The following FXR2 variants were observed in gnomAD, a reference collection of about 807,000 sequenced individuals.
FXR2 encodes FMR1 autosomal homolog 2, also known as RNA-binding protein FXR2.
In FXR2, 9 loss-of-function variants were observed where a neutral mutation model predicts 87.3. That is an observed-to-expected ratio of 0.10 (90% CI 0.06 to 0.18). The LOEUF (loss-of-function observed/expected upper bound fraction) is 0.18. FXR2 is among the 10% of genes least tolerant of loss of function. The pLI is 1.00. For synonymous variants in FXR2, 331 were observed against 328.3 expected (o/e 1.01, Z -0.09); for missense variants, 661 against 893.6 (o/e 0.74, Z 3.32).
At chr17:7,607,703 A>T (rs1227812262) in intron 1 of FXR2, among the ~76,000 whole-genome samples, 2 of 152,164 alleles carry the variant, frequency 1.3e-5, no homozygotes, top group African/African-American at 4.8e-5. Flanking sequence ...CTGGAATTAA[A>T]GATGTGAGCC....
rs748732254 is a variant in FXR2 at position 7,593,906 on chromosome 17, C to T, written c.1107+12G>A. ...TTTCACACCCAGCATTTTTCTCTCC[C>T]GGCCTGGGTACCTGCAGGTAGGAGA... On this transcript the variant is annotated intron_variant, in intron 11 of 16. Transcript: ENST00000250113. This position sits in a 1 kb window ranked among gnomAD's most constrained non-coding sequence, Gnocchi z 6.1. 32 of 1,559,474 alleles carry T rather than the reference C, an allele frequency of 2.1e-5. No homozygotes were observed. Among genetic ancestry groups the T allele is most frequent in the Non-Finnish European group, 2.8e-5 (32 of 1,130,486 alleles).
Position 7,602,955 on chromosome 17 carries a change from G to A in FXR2, c.497C>T (p.Ala166Val), listed in dbSNP as rs1221116816. The A allele has an allele frequency of 6.3e-7, 1 of 1,596,140 alleles. No individual in the cohort carries two copies. Among genetic ancestry groups the A allele is most frequent in the Non-Finnish European group, 8.6e-7 (1 of 1,164,780 alleles). ...VHKEFKKALGANCIFLNITNS... is the reference protein window; with the variant it reads ...VHKEFKKALGVNCIFLNITNS... ...TGTGATGTTGAGAAAGATGCAGTTGGCTCCCAGGGCTTTCTTGAACTCTTT... is the reference window on the plus strand; with the variant it reads ...TGTGATGTTGAGAAAGATGCAGTTGACTCCCAGGGCTTTCTTGAACTCTTT... The change falls in exon 6 of 17, where the codon GCC becomes GTC. Residue 166 changes from alanine (A) to valine (V), a missense_variant. Physicochemically the swap from Ala to Val is moderately conservative, Grantham distance 64. Around this residue, in one of 3 missense-constraint regions of FXR2, gnomAD observed 170 missense variants for 247.2 expected, o/e 0.69. Coordinates refer to ENST00000250113, the MANE Select transcript of FXR2 (RefSeq NM_004860.4).
chr17:7,607,540 G>A lies in FXR2; in HGVS notation c.82-1391C>T, dbSNP rs539235755. Among the ~76,000 whole-genome samples the A allele has an allele frequency of 4.0e-5, 6 of 151,672 alleles. No individual in the cohort carries two copies. In the South Asian group the frequency reaches 1.3e-3, roughly 32 times the overall value. ...CCCCCCGGGTTCAAGCAATTCTCCT[G>A]CCTCAGCCTCACGAGTAGCTGAGAT... is the stretch of plus-strand genomic sequence containing the variant. On this transcript the variant is annotated intron_variant, in intron 1 of 16. Coordinates refer to ENST00000250113, the MANE Select transcript of FXR2 (RefSeq NM_004860.4).
intron 1 of FXR2, among the ~76,000 whole-genome samples, chr17:7,609,959 T>TCTATATACATGCATATGTATAC (rs2071840717): frequency 9.8e-6 from 1 of 101,688 alleles, no homozygotes; most frequent in Admixed American, 9.5e-5. Context: ...TGTATACATA[T>TCTATATACATGCATATGTATAC]ATATACATGT....
chr17:7,612,945 A>G (rs1042795574), intron 1 of FXR2, among the ~76,000 whole-genome samples: 4 of 146,348 alleles, frequency 2.7e-5, no homozygotes, highest in Non-Finnish European at 5.9e-5. Context: ...GCAGTGAGCC[A>G]AGATCGCACC....
In FXR2 at chr17:7,592,540, G is replaced by A. The variant is rs772136833; in HGVS notation, c.1789C>T (p.Arg597Trp). ...TCTCCACTGATAGAGCCATCAGTCC[G>A]ATTACCACGGTTACGGCGGCGGCGG... ...RSRRRRNRGN[R>W]TDGSISGDRQ... The change falls in exon 15 of 17, where the codon CGG becomes TGG. Residue 597 changes from arginine to tryptophan, a missense_variant. Physicochemically the swap from Arg to Trp is moderately radical, Grantham distance 101 (BLOSUM62 -3). Transcript: ENST00000250113. This position sits in a 1 kb window ranked among gnomAD's most constrained non-coding sequence, Gnocchi z 4.8. 12 of 1,613,834 alleles carry A rather than the reference G, an allele frequency of 7.4e-6. No homozygotes were observed. The highest frequency in any genetic ancestry group is 4.0e-5 in the African/African-American group (3 of 74,922).
In FXR2 at chr17:7,593,786, G is replaced by T; in HGVS notation, c.1107+132C>A. 1.2e-6 allele frequency: 1 copy of T among 806,780 alleles called. No individual in the cohort carries two copies. The highest frequency in any genetic ancestry group is 2.0e-6 in the Non-Finnish European group (1 of 489,720). The allele number at this position is 806,780 out of a possible 1,614,324, so 50.0% of individuals were successfully genotyped here. On this transcript the variant is annotated intron_variant, in intron 11 of 16. Coordinates refer to ENST00000250113, the MANE Select transcript of FXR2 (RefSeq NM_004860.4). This position sits in a 1 kb window ranked among gnomAD's most constrained non-coding sequence, Gnocchi z 6.1. ...GAAAATTCTGGGACCCAACCCTATAGCCCCAAATTTCCACAGATGTTTTCT... is the reference window on the plus strand; with the variant it reads ...GAAAATTCTGGGACCCAACCCTATATCCCCAAATTTCCACAGATGTTTTCT...
In FXR2 at chr17:7,601,510, G is replaced by C. The variant is rs2071755358; in HGVS notation, c.559C>G (p.Pro187Ala). ...CCCAGCAGAGATGCTCGCTTCACAG[G>C]GGCTTCTGTGGTTGACTGGGAGGAA... is the stretch of plus-strand genomic sequence containing the variant. ...ELFILSTTEAPVKRASLLGDM... is the reference protein window; with the variant it reads ...ELFILSTTEAAVKRASLLGDM... Residue 187 changes from proline (P) to alanine (A), a missense_variant, in exon 7 of 17, where the codon CCT (proline) becomes GCT (alanine). Around this residue, in one of 3 missense-constraint regions of FXR2, gnomAD observed 170 missense variants for 247.2 expected, o/e 0.69. Transcript: ENST00000250113. 6.2e-7 allele frequency: 1 copy of C among 1,608,878 alleles called. No individual in the cohort carries two copies. The highest frequency in any genetic ancestry group is 1.7e-4 in the Middle Eastern group (1 of 5,778).
intron 1 of FXR2, among the ~76,000 whole-genome samples, chr17:7,606,708 A>T (rs1293016878): frequency 6.6e-6 from 1 of 152,210 alleles, no homozygotes; most frequent in Non-Finnish European, 1.5e-5. Flanking sequence ...ATTAAGACTT[A>T]ATTTAAAAAC....
chr17:7,607,046 C>A (rs1266274079), intron 1 of FXR2, among the ~76,000 whole-genome samples: 1 of 152,212 alleles, frequency 6.6e-6, no homozygotes, highest in East Asian at 1.9e-4. Flanking sequence ...AGGCCAGGCA[C>A]AGTGGCTCAC....
chr17:7,591,971 G>A lies in FXR2; in HGVS notation c.1927-46C>T. 7.7e-7 allele frequency: 1 copy of A among 1,303,782 alleles called. No individual in the cohort carries two copies. Among genetic ancestry groups the A allele is most frequent in the Admixed American group, 1.9e-5 (1 of 53,258 alleles). 80.8% of individuals were successfully genotyped at this position (1,303,782 alleles called of 1,614,324 possible). On this transcript the variant is annotated intron_variant, in intron 16 of 16. Coordinates refer to ENST00000250113, the MANE Select transcript of FXR2 (RefSeq NM_004860.4). This position sits in a 1 kb window ranked among gnomAD's most constrained non-coding sequence, Gnocchi z 4.0. ...AAAACAGAAAAGCAAGAAGCGGTGAGTAGAAATTCAGGTGGGAGACATTCC... is the reference window on the plus strand; with the variant it reads ...AAAACAGAAAAGCAAGAAGCGGTGAATAGAAATTCAGGTGGGAGACATTCC...
chr17:7,598,233 G>A (rs914155206), intron 7 of FXR2, among the ~76,000 whole-genome samples: 3 of 151,298 alleles, frequency 2.0e-5, no homozygotes, highest in African/African-American at 7.3e-5. Flanking sequence ...GGTGGATCAC[G>A]AGGTCAGGAG....
chr17:7,614,879 T>G lies in FXR2; in HGVS notation c.-347A>C. The G allele has an allele frequency of 6.5e-6, 1 of 154,648 alleles. No individual in the cohort carries two copies. The highest frequency in any genetic ancestry group is 1.9e-4 in the East Asian group (1 of 5,216). 9.6% of individuals were successfully genotyped at this position (154,648 alleles called of 1,614,324 possible). On this transcript the variant is annotated 5_prime_UTR_variant, in exon 1 of 17. Transcript: ENST00000250113. ...CCGCTCCACAGCCTCCACCTCCCCC[T>G]GCCACCGCCGCCTACTGCGCAGGCG...
rs1471974682 is a variant in FXR2, at chr17:7,594,179, G to A, written c.1020+59C>T. The A allele has an allele frequency of 2.9e-6, 3 of 1,037,996 alleles. No homozygotes were observed. The highest frequency in any genetic ancestry group is 3.7e-5 in the Admixed American group (2 of 54,388). The allele number at this position is 1,037,996 out of a possible 1,614,324, so 64.3% of individuals were successfully genotyped here. A position where few individuals can be genotyped will look rare whatever the true frequency, so the allele number is the denominator to read the frequency against. On this transcript the variant is annotated intron_variant, in intron 10 of 16. Coordinates refer to ENST00000250113, the MANE Select transcript of FXR2 (RefSeq NM_004860.4). The surrounding 1 kb of genome is among the most constrained non-coding windows in gnomAD (Gnocchi z 5.1). ...TCAAAGAACAATCCCAGCCCTCAGA[G>A]GACAATCCCATTTACTTCTGGAAAC...
intron 1 of FXR2, among the ~76,000 whole-genome samples, chr17:7,606,997 A>T (rs2071808155): frequency 6.6e-6 from 1 of 152,210 alleles, no homozygotes; most frequent in African/African-American, 2.4e-5. Flanking sequence ...TTATTTTATC[A>T]ACTGTGCTTT....
intron 1 of FXR2, among the ~76,000 whole-genome samples, chr17:7,610,253 C>G (rs552459565): frequency 6.6e-5 from 10 of 151,922 alleles, no homozygotes; most frequent in Non-Finnish European, 1.2e-4. Context: ...CTACTCCAAG[C>G]CTTAGAAGTA....
At chr17:7,601,639 A>G (rs2071756517) in intron 6 of FXR2, 114 bp from the exon 7 acceptor site, 6 of 705,060 alleles carry the variant, frequency 8.5e-6, no homozygotes, top group African/African-American at 7.1e-5. Context: ...TAAGAAATGA[A>G]GCTAGGAGAC....
chr17:7,599,278 G>C (rs913171508), intron 7 of FXR2, among the ~76,000 whole-genome samples: 1 of 152,032 alleles, frequency 6.6e-6, no homozygotes, highest in Admixed American at 6.6e-5. Context: ...ACTCCAGCCT[G>C]GATAACAGAC....
chr17:7,592,753 C>T lies in FXR2; in HGVS notation c.1670G>A (p.Arg557Lys), dbSNP rs1415301583. 1.9e-6 allele frequency: 3 copies of T among 1,613,642 alleles called. No homozygotes were observed. The highest frequency in any genetic ancestry group is 2.5e-6 in the Non-Finnish European group (3 of 1,179,842). The part of the protein sequence containing the change: ...RSRRRRTDED[R>K]TVMDGGLESD... ...TTCCAGGCCTCCATCCATGACGGTC[C>T]TGTCTTCATCAGTGCGGCGGCGGCG... The change falls in exon 14 of 17, where the codon AGG becomes AAG. Residue 557 changes from arginine (R) to lysine (K), a missense_variant. Transcript: ENST00000250113. The surrounding 1 kb of genome is among the most constrained non-coding windows in gnomAD (Gnocchi z 4.8).
Sources: allele counts gnomAD v4.1 joint callset (sites outside exome capture counted in the v4.1 genomes callset), GRCh38; gene constraint gnomAD v4.1.1; regional missense constraint gnomAD v4.1.1; non-coding constraint Gnocchi (gnomAD v3.1); transcripts MANE v1.5; gene names NCBI Gene and HGNC (gene_info 2026-07-23, HGNC 2026-07-21).